HDGFL3: variants seen among roughly 807,000 people sequenced by gnomAD.
The protein encoded by HDGFL3 is HDGF like 3.
HDGFL3 carries 6 observed loss-of-function variants against 27.6 expected under a neutral mutation model. That is an observed-to-expected ratio of 0.22 (90% CI 0.12 to 0.43). HDGFL3 has a LOEUF of 0.43. HDGFL3 is among the 20% of genes least tolerant of loss of function. The probability of loss-of-function intolerance (pLI) is 1.00; values close to 1 mark genes in which losing one functional copy is unlikely to be tolerated. For synonymous variants in HDGFL3, 88 were observed against 88.9 expected (o/e 0.99, Z 0.05); for missense variants, 207 against 250.1 (o/e 0.83, Z 1.16).
intron 1 of HDGFL3, among the ~76,000 whole-genome samples, chr15:83,164,367 CAAAAAAAAAAAAAAAA>C (rs869303457): frequency 5.2e-5 from 2 of 38,380 alleles, no homozygotes; most frequent in African/African-American, 2.0e-4. Context: ...TTAGAGTAAC[CAAAAAAAAAAAAAAAA>C]AAAAAAAAAA....
rs2036548933 is a variant in HDGFL3, at chr15:83,135,552, T to G, written c.*3718A>C. The stretch of plus-strand genomic sequence containing the variant: ...GGTACATTTTGTAATGATACAAGCC[T>G]TCTGAGGAAATTTTCTGACAGGAGC... On this transcript the variant is annotated 3_prime_UTR_variant, in exon 6 of 6. Coordinates refer to ENST00000299633, the MANE Select transcript of HDGFL3 (RefSeq NM_016073.4). 1 of 152,200 alleles carries G rather than the reference T, an allele frequency of 6.6e-6. No individual in the cohort carries two copies. Among genetic ancestry groups the G allele is most frequent in the Non-Finnish European group, 1.5e-5 (1 of 68,032 alleles). 9.4% of individuals were successfully genotyped at this position (152,200 alleles called of 1,614,324 possible).
At chr15:83,121,839 AAAT>A (rs2035281843) in intron 3 of HDGFL3, 1 of 1,028,294 alleles carries the variant, frequency 9.7e-7, no homozygotes, top group Non-Finnish European at 1.5e-6. Context: ...TTTGAATACA[AAAT>A]AATATTGAAG....
chr15:83,161,049 C>G (rs2037095845), intron 2 of HDGFL3, among the ~76,000 whole-genome samples: 1 of 152,112 alleles, frequency 6.6e-6, no homozygotes. Flanking sequence ...AATAAATGGA[C>G]TTTGTGTATG....
intron 3 of HDGFL3, chr15:83,116,033 T>C (rs2034628163): frequency 3.0e-6 from 3 of 1,015,212 alleles, no homozygotes; most frequent in Non-Finnish European, 4.6e-6. Flanking sequence ...TCATTTAGTG[T>C]GAACAGGTAC....
intron 1 of HDGFL3, among the ~76,000 whole-genome samples, chr15:83,181,679 T>C (rs1198856536): frequency 6.6e-6 from 1 of 152,248 alleles, no homozygotes; most frequent in African/African-American, 2.4e-5. Context: ...TTTCACTATG[T>C]TGGCCAGGCT....
At chr15:83,149,489 A>G (rs2036937894) in intron 5 of HDGFL3, among the ~76,000 whole-genome samples, 1 of 152,224 alleles carries the variant, frequency 6.6e-6, no homozygotes, top group South Asian at 2.1e-4. Context: ...AAGAAGGAAC[A>G]GGGAGAGGAA....
At chr15:83,179,725 T>C (rs1399618286) in intron 1 of HDGFL3, 1 of 152,256 alleles carries the variant, frequency 6.6e-6, no homozygotes, top group East Asian at 1.9e-4. Flanking sequence ...CTGATGGATT[T>C]TTATTTTTAG....
chr15:83,207,194 G>C lies in HDGFL3; in HGVS notation c.84+137C>G. 2.0e-6 allele frequency: 1 copy of C among 500,648 alleles called. No individual in the cohort carries two copies. The highest frequency in any genetic ancestry group is 3.1e-6 in the Non-Finnish European group (1 of 320,146). 31.0% of individuals were successfully genotyped at this position (500,648 alleles called of 1,614,324 possible). Reference sequence around the variant, plus strand: ...GCCCCGGCCCGGTCTTCTTCGTGCCGCGCCGCCCTCAGCCCTCACCACAGC... The same window carrying C: ...GCCCCGGCCCGGTCTTCTTCGTGCCCCGCCGCCCTCAGCCCTCACCACAGC... On this transcript the variant is annotated intron_variant, in intron 1 of 5. Transcript: ENST00000299633. This position sits in a 1 kb window ranked among gnomAD's most constrained non-coding sequence, Gnocchi z 4.8.
At chr15:83,165,794 CAAAAAAAAAAAAAA>C (rs57873221) in intron 1 of HDGFL3, among the ~76,000 whole-genome samples, 2 of 13,848 alleles carry the variant, frequency 1.4e-4, no homozygotes, top group Admixed American at 1.2e-3. Flanking sequence ...GAATCCATCT[CAAAAAAAAAAAAAA>C]AAAAAAAAAA....
chr15:83,138,474 T>C lies in HDGFL3; in HGVS notation c.*796A>G, dbSNP rs2036699693. Reference sequence around the variant, plus strand: ...AAAAGAAAACAGTTTATTTTAAAAGTCTACATTTAAAAGTCAATGCTTTGT... The same window carrying C: ...AAAAGAAAACAGTTTATTTTAAAAGCCTACATTTAAAAGTCAATGCTTTGT... On this transcript the variant is annotated 3_prime_UTR_variant, in exon 6 of 6. Transcript: ENST00000299633. 1 of 152,552 alleles carries C rather than the reference T, an allele frequency of 6.6e-6. No homozygotes were observed. Among genetic ancestry groups the C allele is most frequent in the Admixed American group, 6.5e-5 (1 of 15,286 alleles). The allele number at this position is 152,552 out of a possible 1,614,324, so 9.4% of individuals were successfully genotyped here.
At chr15:83,202,549 G>C (rs1039152434) in intron 1 of HDGFL3, among the ~76,000 whole-genome samples, 1 of 151,760 alleles carries the variant, frequency 6.6e-6, no homozygotes, top group Non-Finnish European at 1.5e-5. Flanking sequence ...GTGAGGACTC[G>C]AAGGAAAAAA....
intron 3 of HDGFL3, among the ~76,000 whole-genome samples, chr15:83,116,571 T>C (rs1052127743): frequency 6.6e-6 from 1 of 152,102 alleles, no homozygotes; most frequent in African/African-American, 2.4e-5. Context: ...CTGTGGGAGT[T>C]TGGGTTTTAT....
chr15:83,132,028 A>G lies in HDGFL3; in HGVS notation c.*7242T>C, dbSNP rs2036288742. 1 of 152,250 alleles carries G rather than the reference A, an allele frequency of 6.6e-6. No individual in the cohort carries two copies. Among genetic ancestry groups the G allele is most frequent in the Non-Finnish European group, 1.5e-5 (1 of 68,048 alleles). The allele number at this position is 152,250 out of a possible 1,614,324, so 9.4% of individuals were successfully genotyped here. A position where few individuals can be genotyped will look rare whatever the true frequency, so the allele number is the denominator to read the frequency against. On this transcript the variant is annotated 3_prime_UTR_variant, in exon 6 of 6. Transcript: ENST00000299633. ...CTGGAGGTGAACTGGTTCAGATTCT[A>G]GCCTGTTGCTGATGAGCACAATGAC...
chr15:83,156,846 A>C (rs1596551048), intron 4 of HDGFL3, among the ~76,000 whole-genome samples: 1 of 152,046 alleles, frequency 6.6e-6, no homozygotes, highest in Non-Finnish European at 1.5e-5. Flanking sequence ...GGCGCCCGCC[A>C]CCATGCCCAG....
At chr15:83,116,830 A>G (rs1057045702) in intron 3 of HDGFL3, among the ~76,000 whole-genome samples, 4 of 152,208 alleles carry the variant, frequency 2.6e-5, no homozygotes, top group African/African-American at 9.7e-5. Flanking sequence ...GGGAAGGATG[A>G]GGCCTAAGAC....
intron 5 of HDGFL3, among the ~76,000 whole-genome samples, chr15:83,150,265 G>C (rs943393853): frequency 6.6e-6 from 1 of 152,134 alleles, no homozygotes; most frequent in African/African-American, 2.4e-5. Context: ...CGAATAGAAA[G>C]AAAATCAAGT....
intron 5 of HDGFL3, among the ~76,000 whole-genome samples, chr15:83,143,914 G>GT (rs2151394646): frequency 6.6e-6 from 1 of 152,128 alleles, no homozygotes; most frequent in Admixed American, 6.5e-5. Context: ...TTGTTTGTTT[G>GT]TTTTTAATGA....
intron 1 of HDGFL3, among the ~76,000 whole-genome samples, chr15:83,176,887 A>G (rs1348293650): frequency 1.0e-5 from 1 of 96,824 alleles, no homozygotes; most frequent in African/African-American, 5.9e-5. Flanking sequence ...CAAATTTCCT[A>G]TTTTTTATTA....
At chr15:83,126,613 A>G (rs2151375218), downstream of HDGFL3, 13 of 618,836 alleles carry the variant, frequency 2.1e-5, no homozygotes, top group South Asian at 2.5e-4. Flanking sequence ...AAATATTTCC[A>G]TCATTGATGA....
Sources: gnomAD v4.1 joint callset for allele counts (sites outside exome capture counted in the v4.1 genomes callset) on GRCh38, gnomAD v4.1.1 for gene constraint, Gnocchi (gnomAD v3.1) non-coding constraint, MANE v1.5 for transcripts, NCBI Gene and HGNC (gene_info 2026-07-23, HGNC 2026-07-21) for gene names.